The following INTS12 variants were observed in gnomAD, a reference collection of about 807,000 sequenced individuals.
The protein encoded by INTS12 is integrator complex subunit 12, also known as PHD finger protein 22.
INTS12 carries 13 observed loss-of-function variants against 41.6 expected under a neutral mutation model. The observed-to-expected ratio is 0.31, with a 90% CI of 0.20 to 0.50. The LOEUF is 0.50. Ranked by LOEUF, INTS12 falls within the 20% of genes least tolerant of loss-of-function variation. INTS12 has a pLI of 0.98. For synonymous variants in INTS12, 199 were observed against 191.4 expected (o/e 1.04, Z -0.33); for missense variants, 432 against 541.6 (o/e 0.80, Z 2.01).
At chr4:105,708,536 G>A (rs1732386950) in intron 1 of INTS12, 102 bp downstream of exon 1, 7 of 985,410 alleles carry the variant, frequency 7.1e-6, no homozygotes, top group Non-Finnish European at 8.4e-6. Context: ...CTTGAGGAGC[G>A]AGGAAACTAA....
intron 3 of INTS12, among the ~76,000 whole-genome samples, chr4:105,696,233 A>G (rs930076240): frequency 7.2e-5 from 11 of 152,150 alleles, no homozygotes; most frequent in African/African-American, 2.7e-4. Context: ...CAATCAACAT[A>G]ATGAACATAT....
chr4:105,691,244 G>C (rs1482934195), intron 6 of INTS12, among the ~76,000 whole-genome samples: 2 of 152,192 alleles, frequency 1.3e-5, no homozygotes, highest in Non-Finnish European at 2.9e-5. Flanking sequence ...CAGGGGAAGA[G>C]AGATGGAAGT....
At chr4:105,702,853 GTTTATAT>G in intron 2 of INTS12, 2 of 966,198 alleles carry the variant, frequency 2.1e-6, no homozygotes, top group Non-Finnish European at 2.5e-6. Flanking sequence ...TGGTTATGTG[GTTTATAT>G]TTTATATTTT....
At chr4:105,695,708 A>C in intron 3 of INTS12, 40 bp from the exon 4 acceptor site, 1 of 1,466,920 alleles carries the variant, frequency 6.8e-7, no homozygotes, top group Non-Finnish European at 9.4e-7. Context: ...AAATATTTAG[A>C]CTGATCATCA....
At position 105,695,450 on chromosome 4, in the gene INTS12, T is replaced by C. The variant is rs561279987; in HGVS notation, c.309+66A>G. 7.4e-5 allele frequency: 94 copies of C among 1,274,276 alleles called. No individual in the cohort carries two copies. The African/African-American group carries it at 1.3e-3, about 18-fold the overall frequency. 78.9% of individuals were successfully genotyped at this position (1,274,276 alleles called of 1,614,324 possible). ...ATATAAAAGAAATAGGCATAAAACA[T>C]TGTTTCTTTCTGCTTATGGAACAAC... On this transcript the variant is annotated intron_variant, in intron 4 of 7. Transcript: ENST00000340139.
In INTS12 at chr4:105,708,666, G is replaced by A. The variant is rs1732398254; in HGVS notation, c.-200C>T. ...TCCGCCCCGCCCTGCCGATCCGTCT[G>A]TTCCCGGTGGTCCCTTCGGAAACGG... On this transcript the variant is annotated 5_prime_UTR_variant, in exon 1 of 8. Coordinates refer to ENST00000340139, the MANE Select transcript of INTS12 (RefSeq NM_020395.4). 1 of 927,772 alleles carries A rather than the reference G, an allele frequency of 1.1e-6. No individual in the cohort carries two copies. The highest frequency in any genetic ancestry group is 5.0e-5 in the South Asian group (1 of 20,142). The allele number at this position is 927,772 out of a possible 1,614,324, so 57.5% of individuals were successfully genotyped here.
chr4:105,696,528 G>A (rs1024661721), intron 3 of INTS12, among the ~76,000 whole-genome samples: 2 of 152,128 alleles, frequency 1.3e-5, no homozygotes, highest in Non-Finnish European at 2.9e-5. Context: ...GTTGTTTAGT[G>A]TATCAATAGT....
At position 105,682,821 on chromosome 4, in the gene INTS12, C is replaced by T; in HGVS notation, c.1301G>A (p.Gly434Asp). 6.2e-7 allele frequency: 1 copy of T among 1,614,030 alleles called. No homozygotes were observed. The highest frequency in any genetic ancestry group is 8.5e-7 in the Non-Finnish European group (1 of 1,179,936). ...GAGCTGTGATTCTTGTGAAGTTGGGCCTTTAAGGGATGCTGAGGGAGAGCT... is the reference window on the plus strand; with the variant it reads ...GAGCTGTGATTCTTGTGAAGTTGGGTCTTTAAGGGATGCTGAGGGAGAGCT... ...SSSSPSASLK[G>D]PTSQESQLNA... Residue 434 changes from glycine (G) to aspartate (D), a missense_variant, in exon 8 of 8, where the codon GGC (glycine) becomes GAC (aspartate). By Grantham distance (94) the Gly-to-Asp change is moderately conservative (BLOSUM62 -1). This residue lies in a region of INTS12 where 258 missense variants were observed against 309.9 expected (regional missense o/e 0.83). Transcript: ENST00000340139.
chr4:105,701,938 G>A (rs943397935), intron 2 of INTS12, among the ~76,000 whole-genome samples: 14 of 152,034 alleles, frequency 9.2e-5, no homozygotes, highest in Admixed American at 2.6e-4. Flanking sequence ...TAGATTACAA[G>A]ACTGCGGAAG....
intron 6 of INTS12, among the ~76,000 whole-genome samples, chr4:105,688,160 C>T (rs1460315096): frequency 6.6e-6 from 1 of 152,184 alleles, no homozygotes. Flanking sequence ...CAAAAAGTTA[C>T]TGTTTATTCA....
chr4:105,698,927 G>A (rs1578389334), intron 3 of INTS12, among the ~76,000 whole-genome samples: 1 of 152,152 alleles, frequency 6.6e-6, no homozygotes, highest in Non-Finnish European at 1.5e-5. Context: ...GAGTGATTTG[G>A]AGTTTGAGGG....
intron 1 of INTS12, among the ~76,000 whole-genome samples, chr4:105,704,169 T>C (rs995529432): frequency 3.3e-5 from 5 of 152,216 alleles, no homozygotes; most frequent in African/African-American, 1.2e-4. Context: ...ACAGCAATTC[T>C]TGCAATTCAG....
chr4:105,700,207 C>T (rs1398860297), intron 2 of INTS12, 193 bp from the exon 3 acceptor site: 8 of 335,870 alleles, frequency 2.4e-5, no homozygotes, highest in African/African-American at 1.3e-4. Flanking sequence ...AGTTCCTTCC[C>T]CCTGAAACAA....
Position 105,701,947 on chromosome 4 carries a change from A to T in INTS12, c.-10+1701T>A, listed in dbSNP as rs561225582. On this transcript the variant is annotated intron_variant, in intron 2 of 7. Transcript: ENST00000340139. ...AGCACCTAGATTACAAGACTGCGGA[A>T]GTCATCAACACCAACATTCCAGTTG... Among the ~76,000 whole-genome samples the T allele has an allele frequency of 1.1e-4, 16 of 152,268 alleles. No individual in the cohort carries two copies. The South Asian group carries it at 3.3e-3, about 32-fold the overall frequency.
intron 6 of INTS12, among the ~76,000 whole-genome samples, chr4:105,689,335 T>C (rs1262163368): frequency 6.6e-6 from 1 of 152,200 alleles, no homozygotes; most frequent in Non-Finnish European, 1.5e-5. Flanking sequence ...TTGAGATACC[T>C]TGGAACAATA....
At chr4:105,686,634 T>G in intron 7 of INTS12, 58 bp downstream of exon 7, 1 of 1,366,696 alleles carries the variant, frequency 7.3e-7, no homozygotes, top group South Asian at 1.3e-5. Flanking sequence ...CAAGCAACTA[T>G]TTTTTAGTCA....
At chr4:105,696,625 T>C (rs1353131509) in intron 3 of INTS12, among the ~76,000 whole-genome samples, 2 of 152,202 alleles carry the variant, frequency 1.3e-5, no homozygotes, top group Non-Finnish European at 2.9e-5. Flanking sequence ...GATATTTGGG[T>C]TGTCTGCAGT....
rs769255360 is a variant in INTS12 at position 105,699,829 on chromosome 4, G to A, written c.156+21C>T. On this transcript the variant is annotated intron_variant, in intron 3 of 7. Transcript: ENST00000340139. Reference sequence around the variant, plus strand: ...ACAGGCCTTACAAAACTCTCTCCAAGCTTTTTATTCATTCAAGTACCTTTT... The same window carrying A: ...ACAGGCCTTACAAAACTCTCTCCAAACTTTTTATTCATTCAAGTACCTTTT... 3.4e-6 allele frequency: 5 copies of A among 1,464,328 alleles called. No homozygotes were observed. The East Asian group carries it at 1.2e-4, about 34-fold the overall frequency. 90.7% of individuals were successfully genotyped at this position (1,464,328 alleles called of 1,614,324 possible). A position where few individuals can be genotyped will look rare whatever the true frequency, so the allele number is the denominator to read the frequency against.
chr4:105,702,913 T>C, intron 2 of INTS12: 11 of 985,054 alleles, frequency 1.1e-5, no homozygotes, highest in Non-Finnish European at 1.3e-5. Flanking sequence ...TGTTGCCTTC[T>C]CTAATCTCTG....
Sources: allele counts gnomAD v4.1 joint callset (sites outside exome capture counted in the v4.1 genomes callset), GRCh38; gene constraint gnomAD v4.1.1; regional missense constraint gnomAD v4.1.1; transcripts MANE v1.5; gene names NCBI Gene and HGNC (gene_info 2026-07-23, HGNC 2026-07-21).